INSR: variants seen among roughly 807,000 people sequenced by gnomAD.
INSR encodes insulin receptor, also known as IR.
INSR carries 67 observed loss-of-function variants against 142.6 expected under a neutral mutation model. The ratio of observed to expected loss-of-function variants is 0.47; its 90% CI spans 0.39 to 0.58. The LOEUF is 0.58. Ranked by LOEUF, INSR falls within the 20% of genes least tolerant of loss-of-function variation. The pLI, the probability that INSR is intolerant of heterozygous loss-of-function variation, is 0.00. For synonymous variants in INSR, 756 were observed against 743.1 expected (o/e 1.02, Z -0.28); for missense variants, 1,248 against 1,833.2 (o/e 0.68, Z 5.83).
chr19:7,144,064 A>G (rs1004197630), intron 11 of INSR, among the ~76,000 whole-genome samples: 3 of 151,932 alleles, frequency 2.0e-5, no homozygotes, highest in Admixed American at 6.6e-5. Flanking sequence ...CAAAAAAAAA[A>G]AAAAGAAAAG....
chr19:7,241,077 G>A lies in INSR; in HGVS notation c.652+26268C>T, dbSNP rs190991003. ...AAACCTAAGAGAGTTGTTACCTCTG[G>A]GAAGAAGGGAGGAGAATATAGCAAG... On this transcript the variant is annotated intron_variant, in intron 2 of 21. Transcript: ENST00000302850. Among the ~76,000 whole-genome samples the A allele has an allele frequency of 7.9e-5, 12 of 152,220 alleles. No homozygotes were observed. The East Asian group carries it at 2.3e-3, about 29-fold the overall frequency.
intron 3 of INSR, among the ~76,000 whole-genome samples, chr19:7,178,918 T>C (rs766506713): frequency 6.6e-5 from 10 of 152,000 alleles, no homozygotes; most frequent in Non-Finnish European, 1.3e-4. Context: ...TATAGCAGGG[T>C]TTTTAAATTT....
chr19:7,153,331 C>CA (rs1186813419), intron 9 of INSR, among the ~76,000 whole-genome samples: 3 of 100,424 alleles, frequency 3.0e-5, no homozygotes, highest in East Asian at 6.5e-4. Flanking sequence ...ACCACACACA[C>CA]CCACGCCACA....
In INSR at chr19:7,267,724, G is replaced by A. The variant is rs1301836404; in HGVS notation, c.273C>T (p.Phe91=). ...TCAGGCTCTCGAGCCCATAGACCCG[G>A]AAGAGCAGCAAGTAATCAGTGATCA... ...LIMITDYLLL[F]RVYGLESLKD... The change falls in exon 2 of 22, where the codon TTC becomes TTT. Residue 91 remains phenylalanine (F), a synonymous_variant. Coordinates refer to ENST00000302850, the MANE Select transcript of INSR (RefSeq NM_000208.4). The surrounding 1 kb of genome is among the most constrained non-coding windows in gnomAD (Gnocchi z 6.3). The A allele has an allele frequency of 6.2e-7, 1 of 1,614,158 alleles. No individual in the cohort carries two copies. Among genetic ancestry groups the A allele is most frequent in the Non-Finnish European group, 8.5e-7 (1 of 1,180,036 alleles).
rs552253920 is a variant in INSR at position 7,159,949 on chromosome 19, C to G, written c.2029+3083G>C. Among the ~76,000 whole-genome samples, 3 of 152,118 alleles carry G rather than the reference C, an allele frequency of 2.0e-5. No individual in the cohort carries two copies. Among genetic ancestry groups the G allele is most frequent in the East Asian group, 3.9e-4 (2 of 5,180 alleles). The stretch of plus-strand genomic sequence containing the variant: ...CCAGGGTCATGGACCGAGGATATCA[C>G]TAACAGAAAATATCTCAAGAAAAAT... On this transcript the variant is annotated intron_variant, in intron 9 of 21. Transcript: ENST00000302850. This position sits in a 1 kb window ranked among gnomAD's most constrained non-coding sequence, Gnocchi z 4.3.
chr19:7,247,894 A>G (rs1465882963), intron 2 of INSR, among the ~76,000 whole-genome samples: 1 of 152,204 alleles, frequency 6.6e-6, no homozygotes, highest in East Asian at 1.9e-4. Context: ...ACAAATATCT[A>G]ATTTTAATGA....
intron 2 of INSR, among the ~76,000 whole-genome samples, chr19:7,189,912 C>T (rs753103751): frequency 2.6e-5 from 4 of 152,046 alleles, no homozygotes; most frequent in Non-Finnish European, 4.4e-5. Context: ...GATCTGCCCA[C>T]CTTGGCCTCC....
intron 2 of INSR, among the ~76,000 whole-genome samples, chr19:7,231,264 T>G (rs764549171): frequency 1.3e-5 from 2 of 151,192 alleles, no homozygotes; most frequent in Non-Finnish European, 2.9e-5. Flanking sequence ...TTCAAACGCT[T>G]TGTGTTGTCT....
chr19:7,217,616 TG>T (rs1364001904), intron 2 of INSR, among the ~76,000 whole-genome samples: 1 of 152,224 alleles, frequency 6.6e-6, no homozygotes, highest in Non-Finnish European at 1.5e-5. Context: ...TGGAGTGCAG[TG>T]GGCACGATCT....
intron 11 of INSR, among the ~76,000 whole-genome samples, chr19:7,146,046 G>A (rs745345251): frequency 6.6e-6 from 1 of 152,104 alleles, no homozygotes; most frequent in Non-Finnish European, 1.5e-5. Context: ...TATTGAAACA[G>A]ATATGATCTT....
chr19:7,235,358 A>G (rs1185286553), intron 2 of INSR, among the ~76,000 whole-genome samples: 1 of 152,186 alleles, frequency 6.6e-6, no homozygotes, highest in African/African-American at 2.4e-5. Context: ...TCTGAAGATG[A>G]ATAACCACCC....
intron 6 of INSR, among the ~76,000 whole-genome samples, chr19:7,169,767 C>G (rs1973971991): frequency 6.6e-6 from 1 of 152,146 alleles, no homozygotes; most frequent in African/African-American, 2.4e-5. Flanking sequence ...AAGGTGTCAT[C>G]CATTCATCCA....
rs544542741 is a variant in INSR, at chr19:7,273,397, C to T, written c.101-5501G>A. Among the ~76,000 whole-genome samples, 7 of 152,054 alleles carry T rather than the reference C, an allele frequency of 4.6e-5. No individual in the cohort carries two copies. In the East Asian group the frequency reaches 1.2e-3, roughly 25 times the overall value. On this transcript the variant is annotated intron_variant, in intron 1 of 21. Transcript: ENST00000302850. ...CTGGCTTTTAACATCTCTGAGTGGG[C>T]GTGAAGGATGCTTCAAGTTCTTCAT...
chr19:7,141,888 G>GT, intron 12 of INSR, 72 bp from the exon 13 acceptor site: 1 of 1,276,552 alleles, frequency 7.8e-7, no homozygotes, highest in Non-Finnish European at 1.1e-6. Flanking sequence ...CCTGTCCATG[G>GT]TGCAACCTTG....
intron 2 of INSR, among the ~76,000 whole-genome samples, chr19:7,253,292 G>C (rs1286150546): frequency 6.6e-6 from 1 of 151,916 alleles, no homozygotes; most frequent in Non-Finnish European, 1.5e-5. Flanking sequence ...AGGCTGGAGT[G>C]CAGTGACGTG....
chr19:7,288,114 C>A (rs1415923263), intron 1 of INSR, among the ~76,000 whole-genome samples: 1 of 151,726 alleles, frequency 6.6e-6, no homozygotes, highest in Non-Finnish European at 1.5e-5. Context: ...AATCCCAGCA[C>A]TTGGGAGGCC....
chr19:7,203,648 G>A (rs755781972), intron 2 of INSR, among the ~76,000 whole-genome samples: 1 of 152,118 alleles, frequency 6.6e-6, no homozygotes, highest in Non-Finnish European at 1.5e-5. Context: ...CTACATGCAC[G>A]AGCTGGCAGA....
chr19:7,232,297 C>T lies in INSR; in HGVS notation c.652+35048G>A, dbSNP rs1050383093. On this transcript the variant is annotated intron_variant, in intron 2 of 21. Coordinates refer to ENST00000302850, the MANE Select transcript of INSR (RefSeq NM_000208.4). ...CCTGATCTTGGCTCACTGCAACCTCCGCCTCCTGGGTTTAAGCGATTCTCC... is the reference window on the plus strand; with the variant it reads ...CCTGATCTTGGCTCACTGCAACCTCTGCCTCCTGGGTTTAAGCGATTCTCC... Among the ~76,000 whole-genome samples, 8 of 152,138 alleles carry T rather than the reference C, an allele frequency of 5.3e-5. No homozygotes were observed. The East Asian group carries it at 7.8e-4, about 15-fold the overall frequency.
At position 7,152,852 on chromosome 19, in the gene INSR, T is replaced by C; in HGVS notation, c.2105A>G (p.Tyr702Cys). The change falls in exon 10 of 22, where the codon TAT becomes TGT. Residue 702 changes from tyrosine (Y) to cysteine (C), a missense_variant. Coordinates refer to ENST00000302850, the MANE Select transcript of INSR (RefSeq NM_000208.4). ...GCAGCATTCGCCGGCCGAATCCTCA[T>C]ACTCACTCTGGTTGTGCTTCTGAGA... ...EDSQKHNQSE[Y>C]EDSAGECCSC... 6.2e-7 allele frequency: 1 copy of C among 1,613,428 alleles called. No individual in the cohort carries two copies. Among genetic ancestry groups the C allele is most frequent in the Non-Finnish European group, 8.5e-7 (1 of 1,179,912 alleles).
Sources: gnomAD v4.1 joint callset for allele counts (sites outside exome capture counted in the v4.1 genomes callset) on GRCh38, gnomAD v4.1.1 for gene constraint, Gnocchi (gnomAD v3.1) non-coding constraint, MANE v1.5 for transcripts, NCBI Gene and HGNC (gene_info 2026-07-23, HGNC 2026-07-21) for gene names.